Variants in NOL10 observed in about 807,000 individuals in gnomAD.
NOL10 encodes H_NH0074G24.1.
A neutral mutation model predicts 103.5 loss-of-function variants in NOL10; 58 were observed. That is an observed-to-expected ratio of 0.56 (90% CI 0.45 to 0.70). NOL10 has a LOEUF of 0.70. Ranked by LOEUF, NOL10 falls within the 30% of genes least tolerant of loss-of-function variation. The pLI is 0.00. For synonymous variants in NOL10, 287 were observed against 282.5 expected, an observed-to-expected ratio of 1.02 and a Z score of -0.16; for missense variants, 763 against 807.3, an observed-to-expected ratio of 0.95 and a Z score of 0.67.
At chr2:10,579,140 T>C (rs1008112467) in intron 19 of NOL10, among the ~76,000 whole-genome samples, 3 of 152,276 alleles carry the variant, frequency 2.0e-5, no homozygotes, top group African/African-American at 7.2e-5. Context: ...AATTTATCTC[T>C]AGTTTACAAC....
At chr2:10,618,077 A>G (rs1406109303) in intron 13 of NOL10, among the ~76,000 whole-genome samples, 1 of 148,992 alleles carries the variant, frequency 6.7e-6, no homozygotes, top group African/African-American at 2.5e-5. Flanking sequence ...GGGTCTCACT[A>G]TGTTACCCAG....
At position 10,603,124 on chromosome 2, in the gene NOL10, C is replaced by T. The variant is rs762013691; in HGVS notation, c.1187G>A (p.Arg396Gln). 1.1e-5 allele frequency: 18 copies of T among 1,611,486 alleles called. No homozygotes were observed. The highest frequency in any genetic ancestry group is 1.1e-4 in the East Asian group (5 of 44,794). ...CATGAAAAACCCATGCATATATGCC[C>T]GGAGGAAAGGAGATCCAATGAGGTG... The part of the protein sequence containing the change: ...LTHLIGSPFL[R>Q]AYMHGFFMDI... The change falls in exon 15 of 21, where the codon CGG (arginine) becomes CAG (glutamine). Residue 396 changes from arginine (R) to glutamine (Q), a missense_variant. Arg to Gln is a conservative substitution (Grantham distance 43). Coordinates refer to ENST00000381685, the MANE Select transcript of NOL10 (RefSeq NM_024894.4).
chr2:10,613,195 T>A (rs1355933026), intron 13 of NOL10, among the ~76,000 whole-genome samples: 1 of 152,174 alleles, frequency 6.6e-6, no homozygotes, highest in Non-Finnish European at 1.5e-5. Context: ...ATGTTCCAAG[T>A]ACAGTATACC....
At chr2:10,667,564 A>G (rs1377758054) in intron 7 of NOL10, among the ~76,000 whole-genome samples, 1 of 152,154 alleles carries the variant, frequency 6.6e-6, no homozygotes, top group Non-Finnish European at 1.5e-5. Context: ...AGAAAGGGTC[A>G]CTCTATTTTT....
chr2:10,657,169 A>G (rs946895868), intron 11 of NOL10, among the ~76,000 whole-genome samples: 4 of 152,156 alleles, frequency 2.6e-5, no homozygotes, highest in Non-Finnish European at 5.9e-5. Context: ...AAATACAAAA[A>G]TTAGCTGGGC....
intron 1 of NOL10, among the ~76,000 whole-genome samples, chr2:10,686,399 G>A (rs1056435966): frequency 2.0e-5 from 3 of 152,144 alleles, no homozygotes; most frequent in Non-Finnish European, 4.4e-5. Context: ...GTGTAAGGTG[G>A]AGAACAGTGA....
At chr2:10,651,712 C>T (rs1679474941) in intron 12 of NOL10, among the ~76,000 whole-genome samples, 1 of 152,144 alleles carries the variant, frequency 6.6e-6, no homozygotes, top group Admixed American at 6.5e-5. Flanking sequence ...CACCCTTGCC[C>T]CAACCTCAGC....
intron 19 of NOL10, among the ~76,000 whole-genome samples, chr2:10,579,872 A>C (rs1279616421): frequency 6.6e-6 from 1 of 152,246 alleles, no homozygotes. Flanking sequence ...GAAGAAAAAG[A>C]CTTTGCCAGT....
At chr2:10,587,275 A>T (rs59435990) in intron 19 of NOL10, among the ~76,000 whole-genome samples, 10,541 of 22,492 alleles carry the variant, frequency 0.47, 3,569 homozygotes, top group East Asian at 0.69. Flanking sequence ...ATATATATAT[A>T]TTTTTTTTTT....
At chr2:10,600,478 T>TA (rs1675915623) in intron 17 of NOL10, among the ~76,000 whole-genome samples, 1 of 152,236 alleles carries the variant, frequency 6.6e-6, no homozygotes, top group Non-Finnish European at 1.5e-5. Flanking sequence ...ACAGAATATG[T>TA]AGCCATTAAA....
intron 13 of NOL10, among the ~76,000 whole-genome samples, chr2:10,632,089 C>T (rs1677886736): frequency 6.6e-6 from 1 of 152,182 alleles, no homozygotes; most frequent in African/African-American, 2.4e-5. Context: ...AAGTACACAA[C>T]CATTATCAAA....
At chr2:10,602,322 C>T (rs1676017042) in intron 16 of NOL10, among the ~76,000 whole-genome samples, 1 of 152,190 alleles carries the variant, frequency 6.6e-6, no homozygotes, top group African/African-American at 2.4e-5. Flanking sequence ...TCTCCAATAC[C>T]AAGTTAATCA....
intron 13 of NOL10, among the ~76,000 whole-genome samples, chr2:10,642,917 T>A (rs751314618): frequency 1.3e-5 from 2 of 152,156 alleles, no homozygotes; most frequent in Non-Finnish European, 2.9e-5. Flanking sequence ...TACTTTCTTG[T>A]TGGATTCCCA....
chr2:10,659,168 T>C lies in NOL10; in HGVS notation c.756+4A>G. The C allele has an allele frequency of 1.3e-6, 2 of 1,589,680 alleles. No individual in the cohort carries two copies. The highest frequency in any genetic ancestry group is 1.1e-5 in the South Asian group (1 of 87,530). Reference sequence around the variant, plus strand: ...CATGTGGTTTCCAAATTAAACATATTTACCTGCCCTGTGGTTGTTCCAACT... The same window carrying C: ...CATGTGGTTTCCAAATTAAACATATCTACCTGCCCTGTGGTTGTTCCAACT... On this transcript the variant is annotated splice_donor_region_variant and intron_variant, in intron 10 of 20. Transcript: ENST00000381685.
chr2:10,689,427 C>A (rs182007647), intron 1 of NOL10, among the ~76,000 whole-genome samples: 1 of 152,172 alleles, frequency 6.6e-6, no homozygotes, highest in Non-Finnish European at 1.5e-5. Context: ...CAGCTGATGG[C>A]CATATGGGGG....
intron 19 of NOL10, among the ~76,000 whole-genome samples, chr2:10,579,553 C>A (rs2884232): frequency 0.34 from 51,195 of 149,482 alleles, 9,187 homozygotes; most frequent in Non-Finnish European, 0.4. Flanking sequence ...ATGAAGATTT[C>A]GGTTAGCTTT....
intron 3 of NOL10, among the ~76,000 whole-genome samples, chr2:10,677,268 G>C (rs1681375685): frequency 6.6e-6 from 1 of 152,034 alleles, no homozygotes; most frequent in African/African-American, 2.4e-5. Context: ...GGCAAAAGTT[G>C]GAGGAACTAA....
intron 19 of NOL10, among the ~76,000 whole-genome samples, chr2:10,588,250 C>G (rs1286016824): frequency 6.6e-6 from 1 of 152,024 alleles, no homozygotes; most frequent in East Asian, 1.9e-4. Context: ...TAAAACTTAC[C>G]ATTTTAACCA....
rs1195211202 is a variant in NOL10, at chr2:10,571,293, G to C, written c.*778C>G. The C allele has an allele frequency of 1.3e-5, 2 of 152,636 alleles. No homozygotes were observed. Among genetic ancestry groups the C allele is most frequent in the African/African-American group, 4.8e-5 (2 of 41,456 alleles). The allele number at this position is 152,636 out of a possible 1,614,324, so 9.5% of individuals were successfully genotyped here. A position where few individuals can be genotyped will look rare whatever the true frequency, so the allele number is the denominator to read the frequency against. On this transcript the variant is annotated 3_prime_UTR_variant, in exon 21 of 21. Transcript: ENST00000381685. ...CTCCTCCTCTGGCTCTAGCCACGCA[G>C]GACATACCTGCTTCCGCTTCACCTT...
Sources: allele counts gnomAD v4.1 joint callset (sites outside exome capture counted in the v4.1 genomes callset), GRCh38; gene constraint gnomAD v4.1.1; transcripts MANE v1.5; gene names NCBI Gene and HGNC (gene_info 2026-07-23, HGNC 2026-07-21).